CAMK2B: variants seen among roughly 807,000 people sequenced by gnomAD.
The protein encoded by CAMK2B is calcium/calmodulin dependent protein kinase II beta, also known as calcium/calmodulin-dependent protein kinase type II subunit beta.
A neutral mutation model predicts 93.7 loss-of-function variants in CAMK2B; 27 were observed. The ratio of observed to expected loss-of-function variants is 0.29; its 90% CI spans 0.21 to 0.40. CAMK2B has a LOEUF of 0.40. Among genes scored for constraint, CAMK2B ranks in the 10% least tolerant of loss-of-function variants. The probability of loss-of-function intolerance (pLI) is 1.00; values close to 1 mark genes in which losing one functional copy is unlikely to be tolerated. For synonymous variants in CAMK2B, 374 were observed against 358.8 expected (o/e 1.04, Z -0.48); for missense variants, 568 against 895.8 (o/e 0.63, Z 4.67).
At chr7:44,234,733 C>A in intron 13 of CAMK2B, 57 bp from the exon 14 acceptor site, 1 of 1,564,056 alleles carries the variant, frequency 6.4e-7, no homozygotes, top group Middle Eastern at 1.7e-4. Context: ...CTCGCTGCAG[C>A]GCAACCCCAC....
intron 5 of CAMK2B, among the ~76,000 whole-genome samples, chr7:44,251,859 C>G (rs761580151): frequency 1.3e-5 from 2 of 152,160 alleles, no homozygotes; most frequent in Admixed American, 1.3e-4. Flanking sequence ...CTGAACAGCC[C>G]GAGCATTTCC....
chr7:44,248,358 C>A lies in CAMK2B; in HGVS notation c.342-1166G>T, dbSNP rs974183883. 6.6e-6 allele frequency among the ~76,000 whole-genome samples: 1 copy of A among 152,202 alleles called. No homozygotes were observed. The highest frequency in any genetic ancestry group is 1.5e-5 in the Non-Finnish European group (1 of 68,032). ...CCCAGGGCCACGGAGCCCCTGCACA[C>A]ACCGAGAGCCCGTGGCTTGAATCTG... On this transcript the variant is annotated intron_variant, in intron 5 of 23. Coordinates refer to ENST00000395749, the MANE Select transcript of CAMK2B (RefSeq NM_001220.5). This position sits in a 1 kb window ranked among gnomAD's most constrained non-coding sequence, Gnocchi z 4.1.
chr7:44,232,567 C>T (rs1393721685), intron 16 of CAMK2B, among the ~76,000 whole-genome samples: 3 of 152,344 alleles, frequency 2.0e-5, no homozygotes, highest in East Asian at 3.9e-4. Context: ...ACGCAGAGCC[C>T]TGGTCTGAGA....
chr7:44,280,961 A>C (rs2097097394), intron 2 of CAMK2B, among the ~76,000 whole-genome samples: 1 of 152,122 alleles, frequency 6.6e-6, no homozygotes, highest in Admixed American at 6.5e-5. Flanking sequence ...TCCAACATGA[A>C]GTGTTTGAGG....
chr7:44,286,997 G>A lies in CAMK2B; in HGVS notation c.66-2772C>T, dbSNP rs1785312689. Among the ~76,000 whole-genome samples the A allele has an allele frequency of 1.3e-5, 2 of 152,164 alleles. No individual in the cohort carries two copies. Among genetic ancestry groups the A allele is most frequent in the Non-Finnish European group, 2.9e-5 (2 of 68,012 alleles). On this transcript the variant is annotated intron_variant, in intron 1 of 23. Coordinates refer to ENST00000395749, the MANE Select transcript of CAMK2B (RefSeq NM_001220.5). This position sits in a 1 kb window ranked among gnomAD's most constrained non-coding sequence, Gnocchi z 4.0. ...CAGGGGTGCAGGGCCCGGGGGTGAA[G>A]AAGGCCCTGCTCTTGGACACAGGCC...
chr7:44,284,650 G>A (rs188098370), intron 1 of CAMK2B, among the ~76,000 whole-genome samples: 16 of 152,322 alleles, frequency 1.1e-4, no homozygotes, highest in Admixed American at 5.9e-4. Context: ...TCTGTACCAC[G>A]TCCATGAGGC....
intron 13 of CAMK2B, 62 bp downstream of exon 13, chr7:44,239,527 G>T: frequency 7.1e-7 from 1 of 1,402,154 alleles, no homozygotes; most frequent in African/African-American, 1.4e-5. Flanking sequence ...TGCAGCAGGG[G>T]GCTGCATGCT....
At position 44,218,632 on chromosome 7, in the gene CAMK2B, T is replaced by C. The variant is rs2096362909; in HGVS notation, c.*893A>G. On this transcript the variant is annotated 3_prime_UTR_variant, in exon 24 of 24. Transcript: ENST00000395749. ...AGGAGGGGGGCCAGCCCAGGCAGAG[T>C]CCTCTTGCCACAGCTGGCTGTGTTG... 6.6e-6 allele frequency: 1 copy of C among 152,092 alleles called. No individual in the cohort carries two copies. The highest frequency in any genetic ancestry group is 1.5e-5 in the Non-Finnish European group (1 of 68,046). The allele number at this position is 152,092 out of a possible 1,614,324, so 9.4% of individuals were successfully genotyped here.
At chr7:44,261,409 A>G (rs890249488) in intron 3 of CAMK2B, among the ~76,000 whole-genome samples, 2 of 152,232 alleles carry the variant, frequency 1.3e-5, no homozygotes, top group Non-Finnish European at 2.9e-5. Flanking sequence ...TCATCTATGA[A>G]GGTACCTCAC....
intron 5 of CAMK2B, among the ~76,000 whole-genome samples, chr7:44,247,558 C>A (rs531860795): frequency 5.3e-5 from 8 of 151,994 alleles, no homozygotes; most frequent in Admixed American, 2.6e-4. Context: ...GTAAGGCAGG[C>A]TGAGGTGAGC....
chr7:44,312,667 G>A lies in CAMK2B; in HGVS notation c.65+12690C>T, dbSNP rs936788451. Among the ~76,000 whole-genome samples the A allele has an allele frequency of 1.3e-5, 2 of 152,144 alleles. No homozygotes were observed. Among genetic ancestry groups the A allele is most frequent in the African/African-American group, 2.4e-5 (1 of 41,430 alleles). ...AAACATGAAGTGAGAAAAAGAGAGG[G>A]AGAGAAACAGAGAGACAGAGGAGAC... On this transcript the variant is annotated intron_variant, in intron 1 of 23. Coordinates refer to ENST00000395749, the MANE Select transcript of CAMK2B (RefSeq NM_001220.5). This position sits in a 1 kb window ranked among gnomAD's most constrained non-coding sequence, Gnocchi z 4.1.
chr7:44,239,805 C>G (rs547058810), intron 12 of CAMK2B, 142 bp from the exon 13 acceptor site: 50 of 657,490 alleles, frequency 7.6e-5, no homozygotes, highest in Non-Finnish European at 1.2e-4. Context: ...GTTCCAGAAT[C>G]CTTTGCTCAA....
chr7:44,293,741 C>T (rs1053921749), intron 1 of CAMK2B, among the ~76,000 whole-genome samples: 3 of 152,178 alleles, frequency 2.0e-5, no homozygotes, highest in African/African-American at 4.8e-5. Context: ...TGACAGGAGG[C>T]GGAGCTCAGG....
intron 1 of CAMK2B, 54 bp downstream of exon 1, chr7:44,325,294 GGGTCCCGGA>G: frequency 2.1e-6 from 2 of 949,034 alleles, no homozygotes; most frequent in South Asian, 8.1e-5. Context: ...GCGGCGCGGA[GGGTCCCGGA>G]GGTCCCGGCC....
chr7:44,254,446 A>C, intron 5 of CAMK2B, 96 bp downstream of exon 5: 1 of 887,940 alleles, frequency 1.1e-6, no homozygotes, highest in Non-Finnish European at 1.9e-6. Flanking sequence ...GCTCAGCACC[A>C]GACGTGGGTT....
intron 20 of CAMK2B, 54 bp downstream of exon 20, chr7:44,226,462 C>A: frequency 7.6e-7 from 1 of 1,322,140 alleles, no homozygotes; most frequent in South Asian, 2.3e-5. Context: ...CAGGCTCGCA[C>A]GCCCCGAGCC....
At chr7:44,238,693 G>T (rs2096648185) in intron 13 of CAMK2B, among the ~76,000 whole-genome samples, 1 of 152,262 alleles carries the variant, frequency 6.6e-6, no homozygotes, top group South Asian at 2.1e-4. Flanking sequence ...CGGGTCCCCA[G>T]CCCACGTTGG....
At chr7:44,232,958 A>G (rs2096593502) in intron 15 of CAMK2B, 92 bp from the exon 16 acceptor site, 1 of 1,182,708 alleles carries the variant, frequency 8.5e-7, no homozygotes, top group Non-Finnish European at 1.3e-6. Context: ...AGGGAGACAG[A>G]GGAGGTGTGG....
chr7:44,251,684 T>C (rs2096782204), intron 5 of CAMK2B, among the ~76,000 whole-genome samples: 1 of 152,138 alleles, frequency 6.6e-6, no homozygotes, highest in African/African-American at 2.4e-5. Context: ...CTCCAAACCC[T>C]CAATGGAGGC....
Sources: gnomAD v4.1 joint callset for allele counts (sites outside exome capture counted in the v4.1 genomes callset) on GRCh38, gnomAD v4.1.1 for gene constraint, Gnocchi (gnomAD v3.1) non-coding constraint, MANE v1.5 for transcripts, NCBI Gene and HGNC (gene_info 2026-07-23, HGNC 2026-07-21) for gene names.